MRGPRX3: variants seen among roughly 807,000 people sequenced by gnomAD.
The protein encoded by MRGPRX3 is mas-related G protein-coupled receptor member X3.
In MRGPRX3, 14 loss-of-function variants were observed where a neutral mutation model predicts 16.5. The ratio of observed to expected loss-of-function variants is 0.85; its 90% confidence interval spans 0.56 to 1.33. MRGPRX3 has a LOEUF of 1.33. Ranked by LOEUF, MRGPRX3 falls within the 40% of genes most tolerant of loss-of-function variation. MRGPRX3 has a pLI of 0.00. For synonymous variants in MRGPRX3, 199 were observed against 180.1 expected, an observed-to-expected ratio of 1.10 and a Z score of -0.84; for missense variants, 449 against 413.0, an observed-to-expected ratio of 1.09 and a Z score of -0.76.
upstream of MRGPRX3, among the ~76,000 whole-genome samples, chr11:18,131,411 A>G (rs1465427690): frequency 6.6e-6 from 1 of 152,196 alleles, no homozygotes; most frequent in African/African-American, 2.4e-5. Context: ...AGATATACAA[A>G]TGGCCAACAA....
chr11:18,137,832 G>T lies in MRGPRX3; in HGVS notation c.630G>T (p.Pro210=). 1 of 1,614,154 alleles carries T rather than the reference G, an allele frequency of 6.2e-7. No homozygotes were observed. Among genetic ancestry groups the T allele is most frequent in the East Asian group, 2.2e-5 (1 of 44,886 alleles). Residue 210 remains proline (P), a synonymous_variant, in exon 2 of 2, where the codon CCG becomes CCT. Coordinates refer to ENST00000621697, the MANE Select transcript of MRGPRX3 (RefSeq NM_001370464.1). ...TTCTCTGTGGATCCCGGAAGATGCC[G>T]CTGACCAGGCTGTACGTGACCATCC... ...VRILCGSRKM[P]LTRLYVTILL... is the part of the protein sequence containing the mutation.
chr11:18,136,146 CGAAA>C (rs551874430), intron 1 of MRGPRX3, among the ~76,000 whole-genome samples: 3 of 152,104 alleles, frequency 2.0e-5, no homozygotes, highest in Non-Finnish European at 4.4e-5. Context: ...AAAGATCTCC[CGAAA>C]GAGAGAATGA....
chr11:18,137,458 C>G lies in MRGPRX3; in HGVS notation c.256C>G (p.Arg86Gly). 1 of 1,614,182 alleles carries G rather than the reference C, an allele frequency of 6.2e-7. No homozygotes were observed. Among genetic ancestry groups the G allele is most frequent in the Non-Finnish European group, 8.5e-7 (1 of 1,180,038 alleles). Reference protein sequence around the residue: ...LSGHIICSPLRLINIRHPISK... With the variant: ...LSGHIICSPLGLINIRHPISK... ...CGGCCACATTATATGTTCGCCGTTA[C>G]GCCTCATCAATATCCGCCATCCCAT... Residue 86 changes from arginine to glycine, a missense_variant, in exon 2 of 2, where the codon CGC (arginine) becomes GGC (glycine). Physicochemically the swap from Arg to Gly is moderately radical, Grantham distance 125. Coordinates refer to ENST00000621697, the MANE Select transcript of MRGPRX3 (RefSeq NM_001370464.1).
At chr11:18,128,572 C>T (rs867737353), upstream of MRGPRX3, among the ~76,000 whole-genome samples, 12 of 152,306 alleles carry the variant, frequency 7.9e-5, no homozygotes, top group East Asian at 1.9e-4. Context: ...TAGGACCCTC[C>T]GAGCCAGGCA....
chr11:18,137,422 C>T lies in MRGPRX3; in HGVS notation c.220C>T (p.Leu74Phe), dbSNP rs1460777199. Reference protein sequence around the residue: ...YILNLVAADFLFLSGHIICSP... With the variant: ...YILNLVAADFFFLSGHIICSP... ...CCTCAACCTGGTCGCGGCCGACTTC[C>T]TCTTCCTTAGCGGCCACATTATATG... Residue 74 changes from leucine to phenylalanine, a missense_variant, in exon 2 of 2, where the codon CTC (leucine) becomes TTC (phenylalanine). Leu to Phe is a conservative substitution (Grantham distance 22). Coordinates refer to ENST00000621697, the MANE Select transcript of MRGPRX3 (RefSeq NM_001370464.1). 1 of 1,614,078 alleles carries T rather than the reference C, an allele frequency of 6.2e-7. No individual in the cohort carries two copies.
In MRGPRX3 at chr11:18,138,069, G is replaced by C; in HGVS notation, c.867G>C (p.Leu289=). 1 of 1,614,182 alleles carries C rather than the reference G, an allele frequency of 6.2e-7. No homozygotes were observed. Among genetic ancestry groups the C allele is most frequent in the South Asian group, 1.1e-5 (1 of 91,074 alleles). ...RQRQNRQNLK[L]VLQRALQDTP... is the part of the protein sequence containing the mutation. ...GTCAAAATAGGCAGAACCTGAAGCTGGTTCTCCAGAGGGCTCTGCAGGACA... is the reference window on the plus strand; with the variant it reads ...GTCAAAATAGGCAGAACCTGAAGCTCGTTCTCCAGAGGGCTCTGCAGGACA... The change falls in exon 2 of 2, where the codon CTG becomes CTC. Residue 289 remains leucine, a synonymous_variant. Coordinates refer to ENST00000621697, the MANE Select transcript of MRGPRX3 (RefSeq NM_001370464.1).
chr11:18,137,179 G>T lies in MRGPRX3; in HGVS notation c.-24G>T, dbSNP rs368655351. 6.4e-7 allele frequency: 1 copy of T among 1,559,322 alleles called. No individual in the cohort carries two copies. The highest frequency in any genetic ancestry group is 8.7e-7 in the Non-Finnish European group (1 of 1,150,782). On this transcript the variant is annotated splice_region_variant and 5_prime_UTR_variant, in exon 2 of 2. Transcript: ENST00000621697. Reference sequence around the variant, plus strand: ...ATCACATCTGGTTTCTGTTTCCAGGGTCATCAGACTGGGGTTTCTGAGCAT... The same window carrying T: ...ATCACATCTGGTTTCTGTTTCCAGGTTCATCAGACTGGGGTTTCTGAGCAT...
upstream of MRGPRX3, among the ~76,000 whole-genome samples, chr11:18,129,360 A>T (rs1848936872): frequency 6.6e-6 from 1 of 152,224 alleles, no homozygotes; most frequent in South Asian, 2.1e-4. Context: ...GAGATATTAC[A>T]ACCAATGCTA....
At chr11:18,128,165 G>C (rs1241832158), upstream of MRGPRX3, among the ~76,000 whole-genome samples, 1 of 152,212 alleles carries the variant, frequency 6.6e-6, no homozygotes. Flanking sequence ...GCCATGTGAG[G>C]TGTCAGTCTG....
chr11:18,123,872 G>A (rs1848864587), intron 1 of MRGPRX3, among the ~76,000 whole-genome samples: 1 of 152,104 alleles, frequency 6.6e-6, no homozygotes, highest in Non-Finnish European at 1.5e-5. Flanking sequence ...ATTGAGCAGT[G>A]GTTTGTAGTT....
At chr11:18,134,598 A>T (rs73432051) in intron 1 of MRGPRX3, among the ~76,000 whole-genome samples, 1,712 of 152,330 alleles carry the variant, frequency 0.011, 28 homozygotes, top group African/African-American at 0.039. Flanking sequence ...CTGTAAATAC[A>T]CAAAAATGAC....
chr11:18,137,740 A>T lies in MRGPRX3; in HGVS notation c.538A>T (p.Thr180Ser). ...TTGGTGTGAAACGTCAGATTTCATT[A>T]CAATCGCGTGGCTGGTTTTTTTATG... ...SVWCETSDFI[T>S]IAWLVFLCVV... The change falls in exon 2 of 2, where the codon ACA (threonine) becomes TCA (serine). Residue 180 changes from threonine (T) to serine (S), a missense_variant. Coordinates refer to ENST00000621697, the MANE Select transcript of MRGPRX3 (RefSeq NM_001370464.1). 1.9e-6 allele frequency: 3 copies of T among 1,613,944 alleles called. No homozygotes were observed. Among genetic ancestry groups the T allele is most frequent in the Non-Finnish European group, 2.5e-6 (3 of 1,180,010 alleles).
chr11:18,125,469 G>A (rs28750842), intron 1 of MRGPRX3, among the ~76,000 whole-genome samples: 7,770 of 152,192 alleles, frequency 0.051, 662 homozygotes, highest in African/African-American at 0.18. Context: ...TCAGGAGCAG[G>A]TTGTTCAGTT....
At position 18,137,613 on chromosome 11, in the gene MRGPRX3, C is replaced by A. The variant is rs141540513; in HGVS notation, c.411C>A (p.Tyr137Ter). The A allele has an allele frequency of 4.6e-5, 74 of 1,614,052 alleles. No homozygotes were observed. In the African/African-American group the frequency reaches 8.9e-4, roughly 20 times the overall value. ...GGTACCACTGCCGCCGCCCCAGATA[C>A]CTGTCATCAGTCATGTGTGTCCTGC... ...PIWYHCRRPR[Y>*]LSSVMCVLLW... is the part of the protein sequence containing the mutation. Residue 137 changes from tyrosine to a stop codon, truncating the protein, a stop_gained, in exon 2 of 2, where the codon TAC (tyrosine) becomes TAA (stop). Coordinates refer to ENST00000621697, the MANE Select transcript of MRGPRX3 (RefSeq NM_001370464.1). LOFTEE classifies it high-confidence loss of function.
At chr11:18,125,439 G>T (rs535852794) in intron 1 of MRGPRX3, among the ~76,000 whole-genome samples, 3 of 151,962 alleles carry the variant, frequency 2.0e-5, no homozygotes, top group East Asian at 1.9e-4. Flanking sequence ...CCTTCATTTC[G>T]TTATGTACCC....
chr11:18,129,347 CAA>C (rs1251980621), upstream of MRGPRX3, among the ~76,000 whole-genome samples: 8 of 152,230 alleles, frequency 5.3e-5, no homozygotes, highest in East Asian at 1.9e-4. Context: ...AGGAATGAAA[CAA>C]GAGATATTAC....
intron 1 of MRGPRX3, among the ~76,000 whole-genome samples, chr11:18,122,009 TAAAAAAAAAGAAAAAAAGAAA>T (rs1447847941): frequency 1.2e-5 from 1 of 86,172 alleles, no homozygotes; most frequent in Admixed American, 1.4e-4. Flanking sequence ...AAATAAAATT[TAAAAAAAAAGAAAAAAAGAAA>T]AAAAAAAAAG....
intron 1 of MRGPRX3, among the ~76,000 whole-genome samples, chr11:18,122,380 C>T (rs1848849067): frequency 6.6e-6 from 1 of 152,132 alleles, no homozygotes; most frequent in South Asian, 2.1e-4. Flanking sequence ...ATGTTCCCTG[C>T]CCTGTGTCCA....
chr11:18,136,612 G>GA (rs1849009346), intron 1 of MRGPRX3, among the ~76,000 whole-genome samples: 1 of 152,162 alleles, frequency 6.6e-6, no homozygotes, highest in East Asian at 1.9e-4. Flanking sequence ...GAACGTTTAT[G>GA]AAAAGCACAT....
Sources: allele counts gnomAD v4.1 joint callset (sites outside exome capture counted in the v4.1 genomes callset), GRCh38; gene constraint gnomAD v4.1.1; transcripts MANE v1.5; gene names NCBI Gene and HGNC (gene_info 2026-07-23, HGNC 2026-07-21).